GABPB2: variants seen among roughly 807,000 people sequenced by gnomAD.
GABPB2 encodes the protein GA binding protein transcription factor subunit beta 2, also known as GA-binding protein subunit beta-2.
A neutral mutation model predicts 39.1 loss-of-function variants in GABPB2; 23 were observed. The ratio of observed to expected loss-of-function variants is 0.59; its 90% CI spans 0.42 to 0.83. The LOEUF is 0.83. Among genes scored for constraint, GABPB2 ranks in the 40% least tolerant of loss-of-function variants. The pLI is 0.00. For missense variants in GABPB2, 467 were observed against 541.1 expected, an observed-to-expected ratio of 0.86 and a Z score of 1.36; for synonymous variants, 184 against 199.3, an observed-to-expected ratio of 0.92 and a Z score of 0.65.
chr1:151,083,715 T>C (rs1184677128), intron 1 of GABPB2, among the ~76,000 whole-genome samples: 12 of 151,296 alleles, frequency 7.9e-5, no homozygotes, highest in Admixed American at 7.9e-4. Flanking sequence ...CAGCTCACTT[T>C]GTTCATTTTT....
chr1:151,125,266 T>G lies in GABPB2; in HGVS notation c.*7010T>G, dbSNP rs977347988. The G allele has an allele frequency of 6.6e-6, 1 of 152,278 alleles. No individual in the cohort carries two copies. The highest frequency in any genetic ancestry group is 2.4e-5 in the African/African-American group (1 of 41,446). The allele number at this position is 152,278 out of a possible 1,614,324, so 9.4% of individuals were successfully genotyped here. ...TCCTTCTGTCAAGGCCATTTGTGTGTGTACTGCGGCAGGTGTGTGTGTGGG... is the reference window on the plus strand; with the variant it reads ...TCCTTCTGTCAAGGCCATTTGTGTGGGTACTGCGGCAGGTGTGTGTGTGGG... On this transcript the variant is annotated 3_prime_UTR_variant, in exon 9 of 9. Transcript: ENST00000368918.
chr1:151,090,096 C>A (rs1221255181), intron 2 of GABPB2, among the ~76,000 whole-genome samples: 1 of 152,006 alleles, frequency 6.6e-6, no homozygotes, highest in Non-Finnish European at 1.5e-5. Flanking sequence ...CCCACCACCA[C>A]GCCTGGCTAA....
chr1:151,077,966 T>C (rs1237787841), intron 1 of GABPB2, among the ~76,000 whole-genome samples: 1 of 138,436 alleles, frequency 7.2e-6, no homozygotes, highest in Non-Finnish European at 1.6e-5. Flanking sequence ...AATAATAATT[T>C]TCTTTAGAAT....
At chr1:151,116,468 T>G (rs1680881512) in intron 7 of GABPB2, among the ~76,000 whole-genome samples, 1 of 151,506 alleles carries the variant, frequency 6.6e-6, no homozygotes, top group South Asian at 2.1e-4. Context: ...GTGTTGTGTG[T>G]GTGTTGACTC....
Position 151,122,240 on chromosome 1 carries a change from A to G in GABPB2, c.*3984A>G, listed in dbSNP as rs587682753. 7.2e-5 allele frequency: 11 copies of G among 152,236 alleles called. No homozygotes were observed. The East Asian group carries it at 1.9e-3, about 27-fold the overall frequency. The allele number at this position is 152,236 out of a possible 1,614,324, so 9.4% of individuals were successfully genotyped here. ...TTTTCTCCACAGATCTGTTTTCTCC[A>G]CAGATCTGAGTACTTAACACTTCCC... On this transcript the variant is annotated 3_prime_UTR_variant, in exon 9 of 9. Transcript: ENST00000368918.
chr1:151,076,451 A>G (rs1489748293), intron 1 of GABPB2, among the ~76,000 whole-genome samples: 1 of 152,104 alleles, frequency 6.6e-6, no homozygotes, highest in Non-Finnish European at 1.5e-5. Context: ...ATTTTTTGAG[A>G]CAGAGTCTTA....
intron 7 of GABPB2, chr1:151,112,236 A>AC (rs1553267785): frequency 6.6e-6 from 1 of 151,170 alleles, no homozygotes; most frequent in Non-Finnish European, 1.5e-5. Context: ...AAAAAAAAAA[A>AC]AAAAAAAAAA....
At chr1:151,106,951 T>C in intron 6 of GABPB2, 86 bp from the exon 7 acceptor site, 1 of 813,068 alleles carries the variant, frequency 1.2e-6, no homozygotes, top group Non-Finnish European at 1.9e-6. Flanking sequence ...TCTCCCTGAA[T>C]GTTGTCAGGT....
intron 1 of GABPB2, among the ~76,000 whole-genome samples, chr1:151,084,009 G>A (rs1677947947): frequency 6.6e-6 from 1 of 150,844 alleles, no homozygotes; most frequent in African/African-American, 2.4e-5. Flanking sequence ...AAAGTGTTGA[G>A]ATTACAGGCA....
intron 4 of GABPB2, among the ~76,000 whole-genome samples, chr1:151,097,113 T>C (rs1358219577): frequency 6.6e-6 from 1 of 152,040 alleles, no homozygotes; most frequent in African/African-American, 2.4e-5. Context: ...GGTTTCACCA[T>C]GTTGGCCAAG....
Position 151,103,550 on chromosome 1 carries a change from T to C in GABPB2, c.623-12T>C. 6.3e-7 allele frequency: 1 copy of C among 1,586,128 alleles called. No homozygotes were observed. Among genetic ancestry groups the C allele is most frequent in the Non-Finnish European group, 8.6e-7 (1 of 1,156,418 alleles). On this transcript the variant is annotated splice_polypyrimidine_tract_variant and intron_variant, in intron 5 of 8. Coordinates refer to ENST00000368918, the MANE Select transcript of GABPB2 (RefSeq NM_144618.3). ...CTACATTGGACCTCATTTGTCTTTC[T>C]TACTGAAATAGGTGACCCCCATGCC... is the stretch of plus-strand genomic sequence containing the variant.
At chr1:151,104,763 T>C (rs374416593) in intron 6 of GABPB2, among the ~76,000 whole-genome samples, 1 of 130,648 alleles carries the variant, frequency 7.7e-6, no homozygotes, top group Admixed American at 7.9e-5. Flanking sequence ...CTGTGACTCT[T>C]TCTTTCTTTC....
chr1:151,090,598 T>C (rs1678589022), intron 3 of GABPB2, 25 bp downstream of exon 3: 1 of 1,607,560 alleles, frequency 6.2e-7, no homozygotes, highest in Non-Finnish European at 8.5e-7. Context: ...GGGGCAAGGT[T>C]ATGTTGTTAA....
chr1:151,114,984 CG>C (rs1349590728), intron 7 of GABPB2, among the ~76,000 whole-genome samples: 2 of 152,040 alleles, frequency 1.3e-5, no homozygotes, highest in Non-Finnish European at 2.9e-5. Context: ...CACTCCAATC[CG>C]GCCTGGGTGG....
chr1:151,104,142 T>C (rs1237797323), intron 6 of GABPB2, among the ~76,000 whole-genome samples: 2 of 152,210 alleles, frequency 1.3e-5, no homozygotes, highest in African/African-American at 4.8e-5. Flanking sequence ...GGAGATGTTA[T>C]TTTGGCATTT....
intron 4 of GABPB2, among the ~76,000 whole-genome samples, chr1:151,097,156 C>G (rs1300091009): frequency 6.6e-6 from 1 of 152,066 alleles, no homozygotes; most frequent in Non-Finnish European, 1.5e-5. Flanking sequence ...AAGTGGTCCA[C>G]CCGCCTCAGC....
intron 5 of GABPB2, among the ~76,000 whole-genome samples, chr1:151,103,016 G>A (rs901311044): frequency 6.6e-6 from 1 of 151,268 alleles, no homozygotes; most frequent in African/African-American, 2.4e-5. Flanking sequence ...TTAAATGAGG[G>A]GAATGTAGTG....
chr1:151,076,813 A>G (rs1212565613), intron 1 of GABPB2, among the ~76,000 whole-genome samples: 5 of 127,914 alleles, frequency 3.9e-5, no homozygotes, highest in African/African-American at 9.2e-5. Flanking sequence ...TTTTTTTTTG[A>G]GATGGAGTCT....
At chr1:151,104,781 C>CTT (rs1225890511) in intron 6 of GABPB2, among the ~76,000 whole-genome samples, 11 of 54,800 alleles carry the variant, frequency 2.0e-4, no homozygotes, top group Middle Eastern at 0.013. Flanking sequence ...TTCTCTCTTT[C>CTT]TTTCTTTCTT....
Sources: gnomAD v4.1 joint callset for allele counts (sites outside exome capture counted in the v4.1 genomes callset) on GRCh38, gnomAD v4.1.1 for gene constraint, MANE v1.5 for transcripts, NCBI Gene and HGNC (gene_info 2026-07-23, HGNC 2026-07-21) for gene names.